Variants in LARGE1 observed in about 807,000 individuals in gnomAD.
LARGE1 encodes the protein xylosyl- and glucuronyltransferase LARGE1.
LARGE1 carries 43 observed loss-of-function variants against 87.6 expected under a neutral mutation model. The observed-to-expected ratio is 0.49, with a 90% CI of 0.38 to 0.63. LARGE1 has a LOEUF of 0.63. Ranked by LOEUF, LARGE1 falls within the 30% of genes least tolerant of loss-of-function variation. The probability of loss-of-function intolerance (pLI) is 0.00; values close to 1 mark genes in which losing one functional copy is unlikely to be tolerated. For synonymous variants in LARGE1, 434 were observed against 394.6 expected (o/e 1.10, Z -1.18); for missense variants, 802 against 1,000.2 (o/e 0.80, Z 2.67).
At chr22:33,368,785 AT>A (rs1401284142) in intron 9 of LARGE1, among the ~76,000 whole-genome samples, 1 of 152,164 alleles carries the variant, frequency 6.6e-6, no homozygotes, top group Non-Finnish European at 1.5e-5. Flanking sequence ...ACATATAAAA[AT>A]TATGTTTAAA....
At chr22:33,340,329 C>T (rs57917413) in intron 9 of LARGE1, among the ~76,000 whole-genome samples, 7,312 of 151,766 alleles carry the variant, frequency 0.048, 403 homozygotes, top group African/African-American at 0.1. Context: ...AGACTGATGG[C>T]TGGGCCAATC....
chr22:33,766,967 T>C (rs1365700070), intron 1 of LARGE1, among the ~76,000 whole-genome samples: 10 of 73,872 alleles, frequency 1.4e-4, no homozygotes, highest in Non-Finnish European at 2.2e-4. Flanking sequence ...TATATATATA[T>C]ACTTCCTGAA....
At chr22:33,365,370 A>T (rs1250014190) in intron 9 of LARGE1, among the ~76,000 whole-genome samples, 1 of 152,142 alleles carries the variant, frequency 6.6e-6, no homozygotes, top group Non-Finnish European at 1.5e-5. Flanking sequence ...GTCAACTGAG[A>T]CTTGATAGTA....
intron 9 of LARGE1, among the ~76,000 whole-genome samples, chr22:33,358,041 A>T (rs1941062465): frequency 6.6e-6 from 1 of 152,172 alleles, no homozygotes; most frequent in Non-Finnish European, 1.5e-5. Context: ...GGGGAATGAG[A>T]GATCCCGCAT....
chr22:33,808,690 G>A (rs1435008493), intron 1 of LARGE1, among the ~76,000 whole-genome samples: 8 of 152,218 alleles, frequency 5.3e-5, no homozygotes, highest in Admixed American at 3.9e-4. Flanking sequence ...GAGTACACTG[G>A]AGTTGCACTT....
chr22:33,306,408 A>G (rs527889582), intron 11 of LARGE1, among the ~76,000 whole-genome samples: 38 of 152,152 alleles, frequency 2.5e-4, no homozygotes, highest in Non-Finnish European at 5.3e-4. Context: ...CTGCTGAAGG[A>G]AGTGGGCGGA....
intron 11 of LARGE1, among the ~76,000 whole-genome samples, chr22:33,212,662 T>C (rs2146236106): frequency 6.6e-6 from 1 of 152,334 alleles, no homozygotes; most frequent in Middle Eastern, 3.4e-3. Flanking sequence ...ATTCCTCTGA[T>C]GAATCTGGGC....
At chr22:33,908,789 T>G (rs1208388524) in intron 1 of LARGE1, among the ~76,000 whole-genome samples, 2 of 152,152 alleles carry the variant, frequency 1.3e-5, no homozygotes, top group African/African-American at 4.8e-5. Flanking sequence ...TACCCCACAA[T>G]GCTGAAAAGT....
At chr22:33,071,860 C>T in the LARGE1 span, among the ~76,000 whole-genome samples, 1 of 152,126 alleles carries the variant, frequency 6.6e-6, no homozygotes, top group African/African-American at 2.4e-5. Context: ...ATTGGCCTGC[C>T]GAGATCAAGG....
At chr22:33,152,711 T>C in the LARGE1 span, among the ~76,000 whole-genome samples, 1 of 152,128 alleles carries the variant, frequency 6.6e-6, no homozygotes, top group Non-Finnish European at 1.5e-5. Context: ...AATTTCTTGG[T>C]TATCAAAGGA....
At chr22:33,641,120 T>C (rs2080417003) in intron 3 of LARGE1, among the ~76,000 whole-genome samples, 1 of 152,138 alleles carries the variant, frequency 6.6e-6, no homozygotes, top group South Asian at 2.1e-4. Context: ...TGCCTCCTGA[T>C]TGGGAGACAC....
At chr22:33,633,184 G>A (rs562748071) in intron 3 of LARGE1, among the ~76,000 whole-genome samples, 7 of 152,316 alleles carry the variant, frequency 4.6e-5, no homozygotes, top group African/African-American at 1.4e-4. Flanking sequence ...AAAATCAGGT[G>A]TGGAGGCAAT....
intron 6 of LARGE1, among the ~76,000 whole-genome samples, chr22:33,458,069 T>C (rs1342315522): frequency 1.3e-5 from 2 of 152,178 alleles, no homozygotes; most frequent in Admixed American, 6.5e-5. Flanking sequence ...GCCAGATACT[T>C]CATATTTGTT....
intron 6 of LARGE1, among the ~76,000 whole-genome samples, chr22:33,561,493 T>G (rs972298442): frequency 6.6e-5 from 10 of 152,208 alleles, no homozygotes; most frequent in African/African-American, 2.4e-4. Context: ...ACCATACCCA[T>G]GTCCAGCTCC....
At chr22:33,843,439 A>AT (rs1387463453) in intron 1 of LARGE1, among the ~76,000 whole-genome samples, 25 of 144,832 alleles carry the variant, frequency 1.7e-4, no homozygotes, top group Middle Eastern at 3.5e-3. Context: ...TCCCTCTCAA[A>AT]AAAATAAATA....
intron 11 of LARGE1, among the ~76,000 whole-genome samples, chr22:33,261,833 ACT>A (rs1250351505): frequency 6.6e-6 from 1 of 152,172 alleles, no homozygotes; most frequent in African/African-American, 2.4e-5. Flanking sequence ...AGAGAATCAA[ACT>A]CTACAGCAAC....
the LARGE1 span, among the ~76,000 whole-genome samples, chr22:33,154,372 C>A: frequency 0.048 from 7,337 of 152,126 alleles, 568 homozygotes; most frequent in African/African-American, 0.17. Context: ...TCCCAAGTAC[C>A]TGAGATTACA....
chr22:33,364,810 C>T (rs553075727), intron 9 of LARGE1, among the ~76,000 whole-genome samples: 1 of 152,244 alleles, frequency 6.6e-6, no homozygotes, highest in South Asian at 2.1e-4. Context: ...AAACGTCCCA[C>T]CGCAGCCACC....
rs149634261 is a variant in LARGE1 at position 33,376,549 on chromosome 22, A to G, written c.1131+5370T>C. 5.5e-3 allele frequency among the ~76,000 whole-genome samples: 841 copies of G among 152,330 alleles called. 7 individuals carry two copies. Among genetic ancestry groups the G allele is most frequent in the African/African-American group, 0.019 (789 of 41,578 alleles). On this transcript the variant is annotated intron_variant, in intron 9 of 14. Transcript: ENST00000397394. ...CGAGAGTTGATTGTTTTCATGCTGT[A>G]GACAGCTTTTTTTCAAGATGTCAGA...
Sources: gnomAD v4.1 joint callset for allele counts (sites outside exome capture counted in the v4.1 genomes callset) on GRCh38, gnomAD v4.1.1 for gene constraint, MANE v1.5 for transcripts, NCBI Gene and HGNC (gene_info 2026-07-23, HGNC 2026-07-21) for gene names.